The following AQP7B variants were observed in gnomAD, a reference collection of about 807,000 sequenced individuals.
AQP7B encodes aquaporin 7B.
At chr2:94,599,549 C>T in the AQP7B span, among the ~76,000 whole-genome samples, 4 of 152,074 alleles carry the variant, frequency 2.6e-5, no homozygotes, top group Non-Finnish European at 4.4e-5. Flanking sequence ...GCCACCAGAC[C>T]CATTAACCAC....
the AQP7B span, among the ~76,000 whole-genome samples, chr2:94,595,114 A>G: frequency 1.3e-5 from 2 of 152,136 alleles, no homozygotes; most frequent in Non-Finnish European, 2.9e-5. Flanking sequence ...ACGGCTGGAA[A>G]TGGGGAGAAG....
the AQP7B span, chr2:94,602,655 G>T: frequency 6.4e-7 from 1 of 1,556,636 alleles, no homozygotes; most frequent in Non-Finnish European, 8.8e-7. Flanking sequence ...GCAAGACCAG[G>T]TGTCCCCAAC....
the AQP7B span, among the ~76,000 whole-genome samples, chr2:94,600,391 C>T: frequency 6.6e-6 from 1 of 152,120 alleles, no homozygotes; most frequent in African/African-American, 2.4e-5. Context: ...TAATAATTAA[C>T]CCATATATCC....
the AQP7B span, among the ~76,000 whole-genome samples, chr2:94,592,289 G>C: frequency 6.6e-6 from 1 of 152,158 alleles, no homozygotes. Flanking sequence ...GCAGCAAAAA[G>C]TAAGCAGAGG....
At chr2:94,590,334 C>A in the AQP7B span, among the ~76,000 whole-genome samples, 1 of 152,158 alleles carries the variant, frequency 6.6e-6, no homozygotes, top group East Asian at 1.9e-4. Flanking sequence ...AGGCACCTAC[C>A]ACCACGCCCA....
At chr2:94,588,505 A>G in the AQP7B span, 3 of 731,958 alleles carry the variant, frequency 4.1e-6, no homozygotes, top group Non-Finnish European at 7.0e-6. Context: ...AGCATCTACA[A>G]ATCTGAAGGA....
At chr2:94,601,031 G>A in the AQP7B span, among the ~76,000 whole-genome samples, 6 of 152,196 alleles carry the variant, frequency 3.9e-5, no homozygotes. Flanking sequence ...GGGTGATAGA[G>A]CAAAACCCTA....
the AQP7B span, among the ~76,000 whole-genome samples, chr2:94,593,872 C>T: frequency 6.6e-6 from 1 of 152,120 alleles, no homozygotes; most frequent in Admixed American, 6.5e-5. Context: ...CAGATTTGGG[C>T]CCTGTTACTC....
At chr2:94,603,039 G>C in the AQP7B span, 2 of 1,596,700 alleles carry the variant, frequency 1.3e-6, no homozygotes, top group East Asian at 4.5e-5. Context: ...GCCCGCAGGA[G>C]CCCACATGAA....
chr2:94,588,171 C>T, the AQP7B span, among the ~76,000 whole-genome samples: 38 of 152,118 alleles, frequency 2.5e-4, no homozygotes, highest in Admixed American at 1.6e-3. Flanking sequence ...AGGTGTAGCA[C>T]GCAAATATGA....
At chr2:94,590,436 C>T in the AQP7B span, among the ~76,000 whole-genome samples, 3 of 152,126 alleles carry the variant, frequency 2.0e-5, no homozygotes, top group Non-Finnish European at 4.4e-5. Flanking sequence ...GATCCACCTG[C>T]CTCGGCCTCC....
At chr2:94,600,690 C>G in the AQP7B span, among the ~76,000 whole-genome samples, 1 of 152,222 alleles carries the variant, frequency 6.6e-6, no homozygotes, top group African/African-American at 2.4e-5. Context: ...CCAGTCTGGC[C>G]AACATCGTGA....
chr2:94,593,125 C>A, the AQP7B span, among the ~76,000 whole-genome samples: 1 of 151,670 alleles, frequency 6.6e-6, no homozygotes, highest in African/African-American at 2.4e-5. Flanking sequence ...CCTGGCCTAA[C>A]TGAGCAATTA....
the AQP7B span, among the ~76,000 whole-genome samples, chr2:94,592,230 G>A: frequency 6.6e-6 from 1 of 152,128 alleles, no homozygotes; most frequent in African/African-American, 2.4e-5. Flanking sequence ...CGCCCTGCTA[G>A]GGAGAGCAGC....
chr2:94,591,471 C>A, the AQP7B span, among the ~76,000 whole-genome samples: 1 of 152,200 alleles, frequency 6.6e-6, no homozygotes, highest in African/African-American at 2.4e-5. Context: ...GCCACCACTT[C>A]TCCACCCATC....
At chr2:94,603,274 G>A in the AQP7B span, 18 of 1,398,744 alleles carry the variant, frequency 1.3e-5, no homozygotes, top group Middle Eastern at 2.0e-4. Context: ...AAATAGCTGG[G>A]AGAAAAAAGC....
chr2:94,588,453 G>A, the AQP7B span: 2 of 609,858 alleles, frequency 3.3e-6, no homozygotes, highest in Non-Finnish European at 5.9e-6. Flanking sequence ...GTGGGGCCAA[G>A]TTCTGTGTCC....
the AQP7B span, chr2:94,602,890 G>A: frequency 4.0e-6 from 4 of 991,972 alleles, no homozygotes; most frequent in Non-Finnish European, 4.4e-6. Context: ...GGTGGCCCCT[G>A]CCTCACGGGG....
the AQP7B span, among the ~76,000 whole-genome samples, chr2:94,600,905 G>T: frequency 6.6e-6 from 1 of 151,302 alleles, no homozygotes; most frequent in Non-Finnish European, 1.5e-5. Flanking sequence ...AATTGGCTGC[G>T]TGCCGAGGCA....
Sources: gnomAD v4.1 joint callset for allele counts (sites outside exome capture counted in the v4.1 genomes callset) on GRCh38, gnomAD v4.1.1 for gene constraint, MANE v1.5 for transcripts, NCBI Gene and HGNC (gene_info 2026-07-23, HGNC 2026-07-21) for gene names.